HIBADH: variants seen among roughly 807,000 people sequenced by gnomAD.
HIBADH encodes the protein 3-hydroxyisobutyrate dehydrogenase, mitochondrial.
HIBADH carries 25 observed loss-of-function variants against 36.1 expected under a neutral mutation model. The observed-to-expected ratio is 0.69, with a 90% confidence interval of 0.50 to 0.97. The LOEUF (loss-of-function observed/expected upper bound fraction) is 0.97, where lower values mean the gene tolerates loss of function less well. Ranked by LOEUF, HIBADH falls within the 50% of genes least tolerant of loss-of-function variation. The pLI is 0.00. For missense variants in HIBADH, 421 were observed against 418.0 expected (o/e 1.01, Z -0.06); for synonymous variants, 160 against 149.5 (o/e 1.07, Z -0.51).
At chr7:27,599,448 C>T (rs927106312) in intron 4 of HIBADH, among the ~76,000 whole-genome samples, 5 of 151,772 alleles carry the variant, frequency 3.3e-5, no homozygotes, top group African/African-American at 1.2e-4. Flanking sequence ...TTTGGGAGGC[C>T]GAGGCGGGCT....
rs775248486 is a variant in HIBADH at position 27,546,847 on chromosome 7, GTC to G, written c.485-3749_485-3748del. On this transcript the variant is annotated intron_variant, in intron 4 of 7. Transcript: ENST00000265395. ...TGGTGATTCAGCCACTTCTCTCACT[GTC>G]CATCCCTACTACCACGGTCTGAGCT... Among the ~76,000 whole-genome samples, 6 of 152,160 alleles carry G rather than the reference GTC, an allele frequency of 3.9e-5. No individual in the cohort carries two copies. The East Asian group carries it at 5.8e-4, about 15-fold the overall frequency.
At chr7:27,556,209 T>C (rs1418466953) in intron 4 of HIBADH, among the ~76,000 whole-genome samples, 1 of 152,228 alleles carries the variant, frequency 6.6e-6, no homozygotes, top group Non-Finnish European at 1.5e-5. Flanking sequence ...ATAGTCATTC[T>C]GTGTCCTCTA....
In HIBADH at chr7:27,526,324, G is replaced by C; in HGVS notation, c.901C>G (p.Leu301Val). The change falls in exon 8 of 8, where the codon CTT (leucine) becomes GTT (valine). Residue 301 changes from leucine to valine, a missense_variant. Coordinates refer to ENST00000265395, the MANE Select transcript of HIBADH (RefSeq NM_152740.4). ...ATCTGATGGGCCAGACTGCCAAGAA[G>C]GATTGGGCTCTTTGTGCTGGTAGCA... Reference protein sequence around the residue: ...DSATSTKSPILLGSLAHQIYR... With the variant: ...DSATSTKSPIVLGSLAHQIYR... 1 of 1,613,322 alleles carries C rather than the reference G, an allele frequency of 6.2e-7. No homozygotes were observed. Among genetic ancestry groups the C allele is most frequent in the South Asian group, 1.1e-5 (1 of 90,852 alleles).
chr7:27,539,959 T>A (rs1784124207), intron 5 of HIBADH, among the ~76,000 whole-genome samples: 1 of 151,936 alleles, frequency 6.6e-6, no homozygotes, highest in South Asian at 2.1e-4. Flanking sequence ...ATCATCTTAA[T>A]AATGAGTAGG....
chr7:27,573,749 GCTAGTT>G (rs1784662909), intron 4 of HIBADH, among the ~76,000 whole-genome samples: 2 of 152,144 alleles, frequency 1.3e-5, no homozygotes, highest in African/African-American at 4.8e-5. Flanking sequence ...TTAAAATATA[GCTAGTT>G]CACATTCAGA....
At chr7:27,626,285 T>G (rs556544925) in intron 4 of HIBADH, among the ~76,000 whole-genome samples, 2 of 151,914 alleles carry the variant, frequency 1.3e-5, no homozygotes, top group African/African-American at 4.8e-5. Context: ...AAAAGAAGCA[T>G]CAAATAGGCT....
chr7:27,618,304 C>A (rs1368315276), intron 4 of HIBADH, among the ~76,000 whole-genome samples: 1 of 152,210 alleles, frequency 6.6e-6, no homozygotes, highest in African/African-American at 2.4e-5. Context: ...CATGCAAAGG[C>A]AGGGCCCATA....
chr7:27,585,479 A>G (rs1443034903), intron 4 of HIBADH, among the ~76,000 whole-genome samples: 1 of 152,182 alleles, frequency 6.6e-6, no homozygotes, highest in Non-Finnish European at 1.5e-5. Context: ...CCTGACTGCC[A>G]CAAAGACTGG....
At chr7:27,613,078 TA>T (rs1405867800) in intron 4 of HIBADH, among the ~76,000 whole-genome samples, 4 of 128,266 alleles carry the variant, frequency 3.1e-5, no homozygotes, top group Non-Finnish European at 6.5e-5. Flanking sequence ...ATATTACATA[TA>T]AAAATTATAT....
At chr7:27,580,311 GATCTATTCACT>G (rs1784769769) in intron 4 of HIBADH, among the ~76,000 whole-genome samples, 1 of 152,182 alleles carries the variant, frequency 6.6e-6, no homozygotes, top group Admixed American at 6.5e-5. Context: ...GATTTGTACA[GATCTATTCACT>G]TGTGAAACTG....
chr7:27,558,397 G>A (rs773939760), intron 4 of HIBADH, among the ~76,000 whole-genome samples: 4 of 152,020 alleles, frequency 2.6e-5, no homozygotes, highest in African/African-American at 4.8e-5. Context: ...GTACAATCTC[G>A]ACTCACTGCA....
At chr7:27,617,926 G>A (rs898089395) in intron 4 of HIBADH, among the ~76,000 whole-genome samples, 1 of 152,212 alleles carries the variant, frequency 6.6e-6, no homozygotes, top group Non-Finnish European at 1.5e-5. Context: ...TTAACCCACA[G>A]GGTATACTAC....
intron 4 of HIBADH, among the ~76,000 whole-genome samples, chr7:27,563,489 T>C (rs1464953693): frequency 6.6e-6 from 1 of 152,234 alleles, no homozygotes; most frequent in African/African-American, 2.4e-5. Flanking sequence ...TTTTCCAAAG[T>C]GGTTGTGCTA....
intron 2 of HIBADH, among the ~76,000 whole-genome samples, chr7:27,632,682 A>C (rs1350529276): frequency 1.3e-5 from 2 of 152,164 alleles, no homozygotes; most frequent in African/African-American, 4.8e-5. Flanking sequence ...TATTTTTAAA[A>C]GTGTGAAGGG....
intron 2 of HIBADH, among the ~76,000 whole-genome samples, chr7:27,639,930 A>C (rs1258902814): frequency 1.3e-5 from 2 of 152,194 alleles, no homozygotes; most frequent in Non-Finnish European, 2.9e-5. Context: ...ACAGTCAAGC[A>C]AAAGAGATAC....
rs534203000 is a variant in HIBADH, at chr7:27,653,056, G to T, written c.92-3423C>A. Among the ~76,000 whole-genome samples, 12 of 152,258 alleles carry T rather than the reference G, an allele frequency of 7.9e-5. No homozygotes were observed. The South Asian group carries it at 1.5e-3, about 18-fold the overall frequency. ...AGGCAGGAGGATTGCTTGAACATAGGGGGTGGAGGATGCAGCGAGCCAAGA... is the reference window on the plus strand; with the variant it reads ...AGGCAGGAGGATTGCTTGAACATAGTGGGTGGAGGATGCAGCGAGCCAAGA... On this transcript the variant is annotated intron_variant, in intron 1 of 7. Transcript: ENST00000265395.
chr7:27,590,832 T>C (rs1784927984), intron 4 of HIBADH, among the ~76,000 whole-genome samples: 1 of 152,212 alleles, frequency 6.6e-6, no homozygotes, highest in South Asian at 2.1e-4. Context: ...TCTTATACCA[T>C]TTAAGAAGAT....
chr7:27,595,464 G>A (rs909124352), intron 4 of HIBADH, among the ~76,000 whole-genome samples: 4 of 152,128 alleles, frequency 2.6e-5, no homozygotes, highest in African/African-American at 7.2e-5. Flanking sequence ...GTTGCAGTGA[G>A]CCTAGACCGT....
chr7:27,561,381 A>T (rs1433874126), intron 4 of HIBADH, among the ~76,000 whole-genome samples: 1 of 152,172 alleles, frequency 6.6e-6, no homozygotes, highest in East Asian at 1.9e-4. Flanking sequence ...TGACTAAAAA[A>T]AATAAATTCT....
Sources: allele counts gnomAD v4.1 joint callset (sites outside exome capture counted in the v4.1 genomes callset), GRCh38; gene constraint gnomAD v4.1.1; transcripts MANE v1.5; gene names NCBI Gene and HGNC (gene_info 2026-07-23, HGNC 2026-07-21).